VAMP7: variants seen among roughly 807,000 people sequenced by gnomAD.
VAMP7 encodes the protein vesicle-associated membrane protein 7.
Under a neutral mutation model 29.6 loss-of-function variants are expected in VAMP7, and 14 were observed. The observed-to-expected ratio is 0.47, with a 90% confidence interval of 0.31 to 0.74. VAMP7 has a LOEUF of 0.74. VAMP7 is among the 30% of genes least tolerant of loss of function. The pLI is 0.05. For synonymous variants in VAMP7, 95 were observed against 88.1 expected (o/e 1.08, Z -0.44); for missense variants, 223 against 262.4 (o/e 0.85, Z 1.04).
At chrX:155,883,746 C>T (rs1269883563) in intron 1 of VAMP7, among the ~76,000 whole-genome samples, 4 of 147,310 alleles carry the variant, frequency 2.7e-5, no homozygotes, top group South Asian at 2.2e-4. Context: ...AGTCTCACTC[C>T]GTTGCCTGGG....
chrX:155,892,494 C>T (rs977889971), intron 2 of VAMP7, among the ~76,000 whole-genome samples: 1 of 152,164 alleles, frequency 6.6e-6, no homozygotes, highest in African/African-American at 2.4e-5. Flanking sequence ...ATACTTCATA[C>T]TTAGCCATTT....
chrX:155,918,860 C>A (rs1172952445), intron 5 of VAMP7, among the ~76,000 whole-genome samples: 3 of 152,128 alleles, frequency 2.0e-5, no homozygotes, highest in Non-Finnish European at 4.4e-5. Flanking sequence ...ATTCTCTATT[C>A]TATTGATGGA....
At chrX:155,932,064 T>G (rs1213895581) in intron 6 of VAMP7, among the ~76,000 whole-genome samples, 7 of 152,186 alleles carry the variant, frequency 4.6e-5, no homozygotes, top group African/African-American at 1.7e-4. Context: ...TCCATTGGTC[T>G]ATATCTCTGT....
At chrX:155,908,605 C>A (rs912772257) in intron 5 of VAMP7, among the ~76,000 whole-genome samples, 17 of 86,922 alleles carry the variant, frequency 2.0e-4, no homozygotes, top group Non-Finnish European at 3.2e-4. Context: ...ATTTTCTTTT[C>A]TTGTGATGTC....
intron 3 of VAMP7, among the ~76,000 whole-genome samples, chrX:155,896,440 A>G (rs992565264): frequency 6.6e-6 from 1 of 152,198 alleles, no homozygotes; most frequent in Non-Finnish European, 1.5e-5. Flanking sequence ...ATGATCAGCT[A>G]TATAAACCTG....
chrX:155,941,667 C>T lies in VAMP7; in HGVS notation c.595-216C>T, dbSNP rs141338656. Among the ~76,000 whole-genome samples, 385 of 152,098 alleles carry T rather than the reference C, an allele frequency of 2.5e-3. 1 individual carries two copies. Among genetic ancestry groups the T allele is most frequent in the African/African-American group, 6.8e-3 (282 of 41,470 alleles). Reference sequence around the variant, plus strand: ...CTGCTTTCTCTCCCACTGAAGGAAACGCTAGAGTTCAAGTGGGTGTGAGTT... The same window carrying T: ...CTGCTTTCTCTCCCACTGAAGGAAATGCTAGAGTTCAAGTGGGTGTGAGTT... On this transcript the variant is annotated intron_variant, in intron 7 of 7. Transcript: ENST00000286448.
Position 155,928,550 on chromosome X carries a change from C to A in VAMP7, c.501+8670C>A, listed in dbSNP as rs774378474. ...TGCCTCCATGTTCACATTACCTTCT[C>A]CTTTGCATGTGTGTCAAGCCTCCAT... On this transcript the variant is annotated intron_variant, in intron 6 of 7. Transcript: ENST00000286448. Among the ~76,000 whole-genome samples the A allele has an allele frequency of 2.6e-5, 4 of 152,242 alleles. No individual in the cohort carries two copies. The South Asian group carries it at 8.3e-4, about 32-fold the overall frequency.
At chrX:155,900,848 G>C (rs950492732) in intron 5 of VAMP7, among the ~76,000 whole-genome samples, 2 of 152,072 alleles carry the variant, frequency 1.3e-5, no homozygotes, top group Non-Finnish European at 2.9e-5. Flanking sequence ...CAGCAGTTTA[G>C]AATAATTTGG....
At chrX:155,919,946 A>G in intron 6 of VAMP7, 66 bp downstream of exon 6, 2 of 1,253,664 alleles carry the variant, frequency 1.6e-6, no homozygotes, top group Non-Finnish European at 2.3e-6. Flanking sequence ...GATGGCTAAC[A>G]TAATTGGGAA....
At position 155,924,132 on chromosome X, in the gene VAMP7, G is replaced by A. The variant is rs755326862; in HGVS notation, c.501+4252G>A. 1.8e-3 allele frequency among the ~76,000 whole-genome samples: 268 copies of A among 151,830 alleles called. 1 individual carries two copies. The highest frequency in any genetic ancestry group is 6.3e-3 in the African/African-American group (260 of 41,418). On this transcript the variant is annotated intron_variant, in intron 6 of 7. Coordinates refer to ENST00000286448, the MANE Select transcript of VAMP7 (RefSeq NM_005638.6). ...TCCCTGTCCTCTTCTTTTTTATTTT[G>A]ATTACTCAAGTACTTTTTAAATTGT...
At chrX:155,921,373 A>AC (rs2066394226) in intron 6 of VAMP7, among the ~76,000 whole-genome samples, 2 of 151,888 alleles carry the variant, frequency 1.3e-5, no homozygotes, top group Admixed American at 1.3e-4. Flanking sequence ...CATTACCAAC[A>AC]CCCCAGAAGG....
Position 155,935,634 on chromosome X carries a change from T to G in VAMP7, c.502-4067T>G, listed in dbSNP as rs764259789. ...TTTTTCAAGGTTTTTAGCTTCTTTG[T>G]GCTGGGTTCAAACTTCCTCCTTTAG... On this transcript the variant is annotated intron_variant, in intron 6 of 7. Transcript: ENST00000286448. 2.6e-3 allele frequency among the ~76,000 whole-genome samples: 389 copies of G among 152,228 alleles called. 2 individuals are homozygous for G. Among genetic ancestry groups the G allele is most frequent in the African/African-American group, 8.9e-3 (371 of 41,542 alleles).
intron 5 of VAMP7, among the ~76,000 whole-genome samples, chrX:155,904,741 G>A (rs1237189858): frequency 6.6e-6 from 1 of 151,964 alleles, no homozygotes; most frequent in African/African-American, 2.4e-5. Flanking sequence ...ATTCATTCAT[G>A]TCGTAGCATA....
intron 5 of VAMP7, among the ~76,000 whole-genome samples, chrX:155,907,015 A>C (rs1204074976): frequency 1.3e-5 from 2 of 152,072 alleles, no homozygotes. Context: ...TTTTATCATT[A>C]AACAGTGTTG....
chrX:155,941,815 C>T (rs1217777769), intron 7 of VAMP7, 68 bp from the exon 8 acceptor site: 2 of 1,502,506 alleles, frequency 1.3e-6, no homozygotes, highest in Non-Finnish European at 1.8e-6. Flanking sequence ...GCTCTACTTT[C>T]CTATATATAT....
chrX:155,918,379 T>G (rs2066343860), intron 5 of VAMP7, among the ~76,000 whole-genome samples: 1 of 151,982 alleles, frequency 6.6e-6, no homozygotes, highest in African/African-American at 2.4e-5. Flanking sequence ...TGCAGCTAGC[T>G]CGGTGTCTGC....
At chrX:155,916,181 T>G (rs1487318347) in intron 5 of VAMP7, among the ~76,000 whole-genome samples, 1 of 152,336 alleles carries the variant, frequency 6.6e-6, no homozygotes, top group Non-Finnish European at 1.5e-5. Context: ...TTGCAGCCAC[T>G]GCTTTTTTTT....
chrX:155,883,643 T>A (rs896532694), intron 1 of VAMP7, among the ~76,000 whole-genome samples: 15 of 152,042 alleles, frequency 9.9e-5, no homozygotes, highest in Non-Finnish European at 1.8e-4. Flanking sequence ...TTTGAACAGT[T>A]GTATAACCTC....
Position 155,942,209 on chromosome X carries a change from A to G in VAMP7, c.*258A>G. ...TTTTGTTTATTTCTTTGGTTTGTTA[A>G]CTAGTGTCATCTATTTAGAGAAACA... On this transcript the variant is annotated 3_prime_UTR_variant, in exon 8 of 8. Transcript: ENST00000286448. 2.0e-6 allele frequency: 3 copies of G among 1,510,966 alleles called. No individual in the cohort carries two copies. Among genetic ancestry groups the G allele is most frequent in the Non-Finnish European group, 2.7e-6 (3 of 1,127,382 alleles). The allele number at this position is 1,510,966 out of a possible 1,614,324, so 93.6% of individuals were successfully genotyped here.
Sources: gnomAD v4.1 joint callset for allele counts (sites outside exome capture counted in the v4.1 genomes callset) on GRCh38, gnomAD v4.1.1 for gene constraint, MANE v1.5 for transcripts, NCBI Gene and HGNC (gene_info 2026-07-23, HGNC 2026-07-21) for gene names.